AMELY: variants seen among roughly 807,000 people sequenced by gnomAD.
AMELY encodes the protein amelogenin, Y isoform.
Under a neutral mutation model 4.2 loss-of-function variants are expected in AMELY, and 4 were observed. That is an observed-to-expected ratio of 0.96 (90% CI 0.47 to 2.19). The LOEUF (loss-of-function observed/expected upper bound fraction) is 2.19. Ranked by LOEUF, AMELY falls within the 30% of genes most tolerant of loss-of-function variation. The pLI is 0.02. For missense variants in AMELY, 32 were observed against 41.5 expected (o/e 0.77, Z 0.63); for synonymous variants, 11 against 14.7 (o/e 0.75, Z 0.57).
At chrY:6,893,674 C>G in intron 1 of AMELY, among the ~76,000 whole-genome samples, 1 of 33,036 alleles carries the variant, frequency 3.0e-5, no homozygotes, top group Non-Finnish European at 7.4e-5. Flanking sequence ...TTAGACACTC[C>G]AGGAGCCAGA....
intron 1 of AMELY, among the ~76,000 whole-genome samples, chrY:6,891,643 T>C: frequency 2.4e-4 from 8 of 33,771 alleles, no homozygotes; most frequent in Admixed American, 1.4e-3. Flanking sequence ...GGTGTTTAAA[T>C]CTAGCTACTT....
At chrY:6,897,037 T>C in intron 1 of AMELY, among the ~76,000 whole-genome samples, 2 of 33,365 alleles carry the variant, frequency 6.0e-5, no homozygotes, top group Non-Finnish European at 1.5e-4. Context: ...GCTAAAGTCT[T>C]GGAAACTGAG....
chrY:6,870,772 A>G (rs2054067019), intron 3 of AMELY, among the ~76,000 whole-genome samples: 1 of 33,295 alleles, frequency 3.0e-5, no homozygotes, highest in Admixed American at 2.7e-4. Flanking sequence ...GCAGAAAAAA[A>G]TTTTTAAGTT....
At chrY:6,869,003 C>T in intron 4 of AMELY, 1 of 189,225 alleles carries the variant, frequency 5.3e-6, no homozygotes, top group Non-Finnish European at 1.0e-5. Context: ...TTCATCTTTC[C>T]TTATATGCTA....
chrY:6,876,096 A>G, intron 1 of AMELY, among the ~76,000 whole-genome samples: 1 of 33,149 alleles, frequency 3.0e-5, no homozygotes, highest in Admixed American at 2.8e-4. Flanking sequence ...GTATGATTCT[A>G]TTTGTTTTTC....
chrY:6,906,847 G>A (rs2011665436), intron 1 of AMELY, among the ~76,000 whole-genome samples: 1 of 30,782 alleles, frequency 3.2e-5, no homozygotes, highest in Non-Finnish European at 7.7e-5. Flanking sequence ...TGCAACCTCC[G>A]CCTCCAGGGT....
At position 6,865,919 on chromosome Y, in the gene AMELY, G is replaced by A; in HGVS notation, c.*154C>T. 2 of 94,668 alleles carry A rather than the reference G, an allele frequency of 2.1e-5. No individual in the cohort carries two copies. The highest frequency in any genetic ancestry group is 3.2e-4 in the East Asian group (2 of 6,232). The allele number at this position is 94,668 out of a possible 400,897, so 23.6% of individuals were successfully genotyped here. A position where few individuals can be genotyped will look rare whatever the true frequency, so the allele number is the denominator to read the frequency against. ...TTTCATTCAACACAAAGACATGAAT[G>A]ATTTTTAAAACATTTTATTGTCTAC... On this transcript the variant is annotated 3_prime_UTR_variant, in exon 7 of 7. Transcript: ENST00000651267.
intron 1 of AMELY, among the ~76,000 whole-genome samples, chrY:6,885,292 A>T (rs577201061): frequency 3.0e-5 from 1 of 33,511 alleles, no homozygotes; most frequent in Non-Finnish European, 7.4e-5. Flanking sequence ...ATCCTAACAC[A>T]GTGAAACCCC....
At chrY:6,883,076 C>T (rs2054076211) in intron 1 of AMELY, among the ~76,000 whole-genome samples, 1 of 32,996 alleles carries the variant, frequency 3.0e-5, no homozygotes, top group Non-Finnish European at 7.4e-5. Flanking sequence ...ACCATTTGAC[C>T]CAGCAATCCC....
intron 1 of AMELY, among the ~76,000 whole-genome samples, chrY:6,898,452 G>C: frequency 3.0e-5 from 1 of 32,852 alleles, no homozygotes; most frequent in Non-Finnish European, 7.4e-5. Flanking sequence ...AGCACCTCGA[G>C]CCCAGAGGAC....
intron 6 of AMELY, among the ~76,000 whole-genome samples, chrY:6,866,639 CTTTTTTTTTT>C (rs769931850): frequency 5.4e-5 from 1 of 18,592 alleles, no homozygotes; most frequent in Non-Finnish European, 1.2e-4. Flanking sequence ...AATTTCCTTT[CTTTTTTTTTT>C]TTTTTTTTTT....
rs2011660378 is a variant in AMELY, at chrY:6,905,497, TTTCC to T, written c.-113+6172_-113+6175del. Among the ~76,000 whole-genome samples, 6 of 30,028 alleles carry T rather than the reference TTTCC, an allele frequency of 2.0e-4. No homozygotes were observed. The East Asian group carries it at 4.6e-3, about 23-fold the overall frequency. 80.6% of individuals were successfully genotyped at this position (30,028 alleles called of 37,273 possible). On this transcript the variant is annotated intron_variant, in intron 1 of 6. Coordinates refer to ENST00000651267, the MANE Select transcript of AMELY (RefSeq NM_001143.2). ...TTCTTTCTTTCTTTCTCTTTCTTTC[TTTCC>T]TTCCTTCCTTCTTTTCTATTTTCCT...
intron 4 of AMELY, 55 bp downstream of exon 4, chrY:6,869,951 G>T: frequency 1.1e-5 from 4 of 360,122 alleles, no homozygotes; most frequent in Non-Finnish European, 1.6e-5. Context: ...TCTTTACAGA[G>T]CCCAGGGGAC....
At chrY:6,868,496 G>A in intron 5 of AMELY, 34 bp from the exon 6 acceptor site, 1 of 389,219 alleles carries the variant, frequency 2.6e-6, no homozygotes, top group East Asian at 9.4e-5. Context: ...TTTACCATTG[G>A]CTCACGTGAC....
intron 1 of AMELY, among the ~76,000 whole-genome samples, chrY:6,880,026 C>A: frequency 3.1e-5 from 1 of 32,730 alleles, no homozygotes; most frequent in Admixed American, 2.8e-4. Flanking sequence ...GATGCGGGCT[C>A]TTTTTTGGTT....
intron 6 of AMELY, among the ~76,000 whole-genome samples, chrY:6,867,610 A>G (rs2054062878): frequency 1.2e-4 from 4 of 32,881 alleles, no homozygotes; most frequent in Admixed American, 8.4e-4. Context: ...TTGTTCAAAT[A>G]TATGCACTCT....
intron 1 of AMELY, among the ~76,000 whole-genome samples, chrY:6,897,880 G>A (rs2054087062): frequency 3.2e-5 from 1 of 31,718 alleles, no homozygotes; most frequent in Non-Finnish European, 7.6e-5. Flanking sequence ...CACCTCCTGG[G>A]TTCAAGCGAT....
At chrY:6,882,840 A>G in intron 1 of AMELY, among the ~76,000 whole-genome samples, 1 of 33,877 alleles carries the variant, frequency 3.0e-5, no homozygotes, top group South Asian at 6.6e-4. Flanking sequence ...AAACATATGA[A>G]AAAAAGCTCA....
chrY:6,895,594 T>A, intron 1 of AMELY, among the ~76,000 whole-genome samples: 1 of 33,806 alleles, frequency 3.0e-5, no homozygotes, highest in Non-Finnish European at 7.3e-5. Flanking sequence ...CTGAGGGCTG[T>A]GTTCTGTTCC....
Sources: gnomAD v4.1 joint callset for allele counts (sites outside exome capture counted in the v4.1 genomes callset) on GRCh38, gnomAD v4.1.1 for gene constraint, MANE v1.5 for transcripts, NCBI Gene and HGNC (gene_info 2026-07-23, HGNC 2026-07-21) for gene names.